Variants in DMD observed in about 807,000 individuals in gnomAD.
DMD encodes dystrophin.
DMD carries 63 observed loss-of-function variants against 330.1 expected under a neutral mutation model. That is an observed-to-expected ratio of 0.19 (90% CI 0.16 to 0.24). DMD has a LOEUF of 0.24. Among genes scored for constraint, DMD ranks in the 10% least tolerant of loss-of-function variants. The probability of loss-of-function intolerance (pLI) is 1.00; values close to 1 mark genes in which losing one functional copy is unlikely to be tolerated. For missense variants in DMD, 3,344 were observed against 2,684.1 expected, an observed-to-expected ratio of 1.25 and a Z score of -5.43; for synonymous variants, 1,223 against 959.8, an observed-to-expected ratio of 1.27 and a Z score of -5.07.
chrX:32,578,251 T>A (rs1021449116), intron 13 of DMD, among the ~76,000 whole-genome samples: 5 of 112,506 alleles, frequency 4.4e-5, no homozygotes, highest in African/African-American at 1.6e-4. Flanking sequence ...TATTTACGTA[T>A]AGGAATCCCT....
At chrX:33,323,123 A>G (rs1328093719) in intron 1 of DMD, among the ~76,000 whole-genome samples, 3 of 112,032 alleles carry the variant, frequency 2.7e-5, no homozygotes, top group African/African-American at 6.5e-5. Flanking sequence ...ATTTAAACCT[A>G]TTGATGCTGG....
At chrX:32,742,704 T>C (rs1422177093) in intron 7 of DMD, among the ~76,000 whole-genome samples, 2 of 111,675 alleles carry the variant, frequency 1.8e-5, no homozygotes, top group East Asian at 2.8e-4. Context: ...AACACAGACA[T>C]TGGGCAGTAG....
At chrX:31,999,891 C>T (rs7877370) in intron 44 of DMD, among the ~76,000 whole-genome samples, 11,581 of 111,567 alleles carry the variant, frequency 0.1, 774 homozygotes, top group African/African-American at 0.25. Context: ...TCACTCAGAA[C>T]CAAGTTACTT....
At chrX:31,267,101 A>G in intron 62 of DMD, 1 of 306,194 alleles carries the variant, frequency 3.3e-6, no homozygotes, top group East Asian at 5.6e-5. Context: ...AAGGAAAAAG[A>G]AAAGAGAAAG....
intron 1 of DMD, among the ~76,000 whole-genome samples, chrX:33,044,570 T>C (rs1328252929): frequency 1.8e-5 from 2 of 112,334 alleles, no homozygotes; most frequent in Non-Finnish European, 3.8e-5. Flanking sequence ...AAATGACTGC[T>C]ACATATTGCC....
Position 32,386,191 on chromosome X carries a change from T to C in DMD, c.4674+119A>G, listed in dbSNP as rs2097957035. On this transcript the variant is annotated intron_variant, in intron 33 of 78. Transcript: ENST00000357033. ...GTATATATATACGTATACATATACA[T>C]AGAGAGAGAGAGGTGTTTAGAATTG... 4 of 733,315 alleles carry C rather than the reference T, an allele frequency of 5.5e-6. No individual in the cohort carries two copies. In the South Asian group the frequency reaches 6.4e-5, roughly 12 times the overall value. 60.4% of individuals were successfully genotyped at this position (733,315 alleles called of 1,213,427 possible). A position where few individuals can be genotyped will look rare whatever the true frequency, so the allele number is the denominator to read the frequency against.
chrX:32,701,913 T>A (rs1438441812), intron 7 of DMD, among the ~76,000 whole-genome samples: 2 of 111,950 alleles, frequency 1.8e-5, no homozygotes, highest in African/African-American at 6.5e-5. Flanking sequence ...TTACAATAAA[T>A]ATGCACTTAT....
At chrX:31,135,529 G>C (rs967903454) in intron 76 of DMD, among the ~76,000 whole-genome samples, 2 of 111,753 alleles carry the variant, frequency 1.8e-5, no homozygotes, top group Admixed American at 1.9e-4. Flanking sequence ...CTGTTTATGT[G>C]AGGAGAGAAT....
At chrX:32,559,536 A>G (rs2050755069) in intron 16 of DMD, among the ~76,000 whole-genome samples, 1 of 111,596 alleles carries the variant, frequency 9.0e-6, no homozygotes, top group Non-Finnish European at 1.9e-5. Context: ...GAGGCAAACC[A>G]TTTGCAACTA....
At chrX:31,387,617 C>G (rs1286353896) in intron 60 of DMD, among the ~76,000 whole-genome samples, 1 of 111,692 alleles carries the variant, frequency 9.0e-6, no homozygotes, top group Non-Finnish European at 1.9e-5. Flanking sequence ...CCAGGCTGGT[C>G]TTGAACTCCT....
At chrX:31,952,665 T>C (rs749671537) in intron 45 of DMD, among the ~76,000 whole-genome samples, 2 of 111,865 alleles carry the variant, frequency 1.8e-5, no homozygotes, top group African/African-American at 6.5e-5. Context: ...GTATTTATAG[T>C]AGGAGCCTTT....
At chrX:31,328,456 A>T (rs1180152913) in intron 61 of DMD, among the ~76,000 whole-genome samples, 1 of 110,248 alleles carries the variant, frequency 9.1e-6, no homozygotes, top group East Asian at 2.8e-4. Context: ...TTCCTCTCAC[A>T]CTCTCCTCTT....
chrX:31,772,533 T>C (rs1370142693), intron 51 of DMD, among the ~76,000 whole-genome samples: 2 of 112,381 alleles, frequency 1.8e-5, no homozygotes, highest in Non-Finnish European at 3.8e-5. Flanking sequence ...GTGTCTGACA[T>C]AGACTACATC....
At chrX:32,731,999 A>G (rs2067743460) in intron 7 of DMD, among the ~76,000 whole-genome samples, 1 of 111,718 alleles carries the variant, frequency 9.0e-6, no homozygotes, top group Non-Finnish European at 1.9e-5. Context: ...AAGGCAAAGA[A>G]GTTGAAAACT....
At chrX:31,339,698 C>T (rs2148423395) in intron 61 of DMD, among the ~76,000 whole-genome samples, 1 of 111,879 alleles carries the variant, frequency 8.9e-6, no homozygotes, top group South Asian at 3.8e-4. Context: ...GCCTCAGCCT[C>T]TCGAGTAGCT....
chrX:32,583,395 A>G (rs891317199), intron 13 of DMD, among the ~76,000 whole-genome samples: 3 of 111,517 alleles, frequency 2.7e-5, no homozygotes, highest in African/African-American at 9.8e-5. Flanking sequence ...GCTATTCAGG[A>G]GGTTGAGGCA....
chrX:32,456,578 TTGTGTGTGTGTGTGTGTG>T (rs60876331), intron 25 of DMD, among the ~76,000 whole-genome samples: 6 of 89,494 alleles, frequency 6.7e-5, no homozygotes, highest in Non-Finnish European at 1.3e-4. Context: ...CATACATACT[TTGTGTGTGTGTGTGTGTG>T]TGTGTGTGTG....
intron 2 of DMD, among the ~76,000 whole-genome samples, chrX:32,935,087 TC>T (rs2089897616): frequency 8.9e-6 from 1 of 112,547 alleles, no homozygotes; most frequent in Non-Finnish European, 1.9e-5. Flanking sequence ...CACGCCATTC[TC>T]CTGCCTCAGC....
chrX:31,479,707 A>G (rs1731908626), intron 57 of DMD, among the ~76,000 whole-genome samples: 1 of 112,404 alleles, frequency 8.9e-6, no homozygotes, highest in Non-Finnish European at 1.9e-5. Flanking sequence ...GCTATTATGG[A>G]TGTAGGAATT....
Sources: allele counts gnomAD v4.1 joint callset (sites outside exome capture counted in the v4.1 genomes callset), GRCh38; gene constraint gnomAD v4.1.1; transcripts MANE v1.5; gene names NCBI Gene and HGNC (gene_info 2026-07-23, HGNC 2026-07-21).